Variants in DLG5 observed in about 807,000 individuals in gnomAD.
DLG5 encodes the protein discs large MAGUK scaffold protein 5.
Under a neutral mutation model 189.8 loss-of-function variants are expected in DLG5, and 48 were observed. The ratio of observed to expected loss-of-function variants is 0.25; its 90% CI spans 0.20 to 0.32. DLG5 has a LOEUF of 0.32. Among genes scored for constraint, DLG5 ranks in the 10% least tolerant of loss-of-function variants. DLG5 has a pLI of 1.00. For synonymous variants in DLG5, 1,016 were observed against 1,054.1 expected (o/e 0.96, Z 0.70); for missense variants, 2,160 against 2,544.7 (o/e 0.85, Z 3.25).
intron 20 of DLG5, among the ~76,000 whole-genome samples, chr10:77,814,292 C>T (rs1300419480): frequency 6.6e-6 from 1 of 151,740 alleles, no homozygotes. Context: ...ATAATCTTTA[C>T]TTTATAGTCT....
chr10:77,862,477 C>T (rs1261939548), intron 2 of DLG5, among the ~76,000 whole-genome samples: 1 of 151,360 alleles, frequency 6.6e-6, no homozygotes, highest in Non-Finnish European at 1.5e-5. Context: ...GCTGGATTCT[C>T]AAAACTGGAA....
rs1287826381 is a variant in DLG5, at chr10:77,811,102, G to C, written c.4455C>G (p.Ser1485Arg). ...EGPSTPPAKQ[S>R]SSRIAGDANK... ...CAGCAACGTCTGCTGACCTGGAGCT[G>C]CTCTGCTTGGCTGGGGGGGTGCTAG... The change falls in exon 23 of 32, where the codon AGC (serine) becomes AGG (arginine). Residue 1485 changes from serine (S) to arginine (R), a missense_variant. By Grantham distance (110) the Ser-to-Arg change is moderately radical. Around this residue, in one of 5 missense-constraint regions of DLG5, gnomAD observed 574 missense variants for 644.2 expected, o/e 0.89. Coordinates refer to ENST00000372391, the MANE Select transcript of DLG5 (RefSeq NM_004747.4). 6.2e-6 allele frequency: 10 copies of C among 1,611,440 alleles called. No homozygotes were observed. Among genetic ancestry groups the C allele is most frequent in the Non-Finnish European group, 8.5e-6 (10 of 1,179,934 alleles).
At chr10:77,858,459 AC>A (rs1234550417) in intron 2 of DLG5, among the ~76,000 whole-genome samples, 2 of 152,008 alleles carry the variant, frequency 1.3e-5, no homozygotes, top group Non-Finnish European at 2.9e-5. Flanking sequence ...ACATGGCGAA[AC>A]CCCGTCTCTA....
chr10:77,926,600 G>C lies in DLG5; in HGVS notation c.-80C>G, dbSNP rs1232063047. 12 of 1,113,946 alleles carry C rather than the reference G, an allele frequency of 1.1e-5. No homozygotes were observed. Among genetic ancestry groups the C allele is most frequent in the Non-Finnish European group, 1.3e-5 (12 of 902,578 alleles). 69.0% of individuals were successfully genotyped at this position (1,113,946 alleles called of 1,614,324 possible). On this transcript the variant is annotated 5_prime_UTR_variant, in exon 1 of 32. Coordinates refer to ENST00000372391, the MANE Select transcript of DLG5 (RefSeq NM_004747.4). This position sits in a 1 kb window ranked among gnomAD's most constrained non-coding sequence, Gnocchi z 5.2. The stretch of plus-strand genomic sequence containing the variant: ...CGGCGGGCGGGCAGGCGAGCACCTC[G>C]GCAGCAGCCCTAGGGCGCCGGGAGC...
chr10:77,839,102 G>A (rs879479674), intron 7 of DLG5, among the ~76,000 whole-genome samples: 7 of 152,364 alleles, frequency 4.6e-5, no homozygotes, highest in Non-Finnish European at 8.8e-5. Context: ...GTCAGGCCTG[G>A]AGGTCTCATT....
At chr10:77,896,343 A>C (rs78834931) in intron 1 of DLG5, among the ~76,000 whole-genome samples, 1,761 of 152,292 alleles carry the variant, frequency 0.012, 29 homozygotes, top group African/African-American at 0.041. Flanking sequence ...GAGAGATTTA[A>C]GAAGAACTAT....
chr10:77,831,055 G>C (rs989618373), intron 9 of DLG5, among the ~76,000 whole-genome samples, 182 bp from the exon 10 acceptor site: 7 of 152,134 alleles, frequency 4.6e-5, no homozygotes, highest in Admixed American at 1.3e-4. Flanking sequence ...TTTCACAGTG[G>C]TTTTTTAAAA....
intron 2 of DLG5, among the ~76,000 whole-genome samples, chr10:77,863,895 G>A (rs1290458573): frequency 6.6e-6 from 1 of 152,194 alleles, no homozygotes; most frequent in East Asian, 1.9e-4. Context: ...GGAGGCAACA[G>A]GAAGACACAG....
intron 6 of DLG5, among the ~76,000 whole-genome samples, chr10:77,842,660 G>A (rs192521701): frequency 6.6e-6 from 1 of 152,308 alleles, no homozygotes; most frequent in Admixed American, 6.5e-5. Context: ...CTTCCACACA[G>A]GCAGCCTGCA....
At chr10:77,875,199 A>C (rs1330165797) in intron 1 of DLG5, among the ~76,000 whole-genome samples, 1 of 152,214 alleles carries the variant, frequency 6.6e-6, no homozygotes, top group Non-Finnish European at 1.5e-5. Flanking sequence ...CCTACACACA[A>C]TACTGCTGCC....
intron 1 of DLG5, among the ~76,000 whole-genome samples, chr10:77,887,249 C>T (rs915387932): frequency 6.6e-6 from 1 of 152,160 alleles, no homozygotes; most frequent in Non-Finnish European, 1.5e-5. Flanking sequence ...AGTCAATGAC[C>T]AGATGCACCC....
intron 2 of DLG5, among the ~76,000 whole-genome samples, chr10:77,861,230 C>T (rs1251874424): frequency 6.6e-6 from 1 of 152,226 alleles, no homozygotes; most frequent in Non-Finnish European, 1.5e-5. Context: ...ACCTCACGAG[C>T]CCTCTGAAAG....
At chr10:77,868,572 C>T in intron 2 of DLG5, 1 of 246,306 alleles carries the variant, frequency 4.1e-6, no homozygotes, top group South Asian at 5.2e-5. Context: ...GTGTCTGCAT[C>T]CATCATGGTC....
intron 2 of DLG5, among the ~76,000 whole-genome samples, chr10:77,865,253 C>A (rs1285172094): frequency 1.3e-5 from 2 of 152,118 alleles, no homozygotes; most frequent in Admixed American, 6.5e-5. Flanking sequence ...AGGAGGCATT[C>A]CCATCTCTGA....
chr10:77,929,366 A>C (rs1846766207), upstream of DLG5: 1 of 152,160 alleles, frequency 6.6e-6, no homozygotes, highest in Non-Finnish European at 1.5e-5. Context: ...TTAGCCAGTG[A>C]CCTTGGTGTG....
Position 77,838,034 on chromosome 10 carries a change from C to T in DLG5, c.1438-2112G>A, listed in dbSNP as rs569330505. Among the ~76,000 whole-genome samples the T allele has an allele frequency of 2.6e-5, 4 of 152,284 alleles. No homozygotes were observed. In the South Asian group the frequency reaches 8.3e-4, roughly 32 times the overall value. ...TCTCGGGTGAGGGCACCTCCCTCTG[C>T]TTCCTGGGAAGCTTCTCTTGCTACA... On this transcript the variant is annotated intron_variant, in intron 7 of 31. Transcript: ENST00000372391.
In DLG5 at chr10:77,834,051, A is replaced by G. The variant is rs748725376; in HGVS notation, c.1623-12T>C. The G allele has an allele frequency of 1.2e-5, 20 of 1,607,260 alleles. No homozygotes were observed. Among genetic ancestry groups the G allele is most frequent in the African/African-American group, 2.7e-5 (2 of 74,872 alleles). ...TGTCACACAGTGTCCTGGTGGAAGGAGCAGAGGACAAGGTCATCTCAAGAG... is the reference window on the plus strand; with the variant it reads ...TGTCACACAGTGTCCTGGTGGAAGGGGCAGAGGACAAGGTCATCTCAAGAG... On this transcript the variant is annotated splice_polypyrimidine_tract_variant and intron_variant, in intron 8 of 31. Transcript: ENST00000372391.
intron 7 of DLG5, among the ~76,000 whole-genome samples, chr10:77,838,371 C>T (rs530635720): frequency 6.6e-6 from 1 of 152,158 alleles, no homozygotes; most frequent in African/African-American, 2.4e-5. Flanking sequence ...CTCCTGGGAG[C>T]AATGAGACTT....
intron 20 of DLG5, among the ~76,000 whole-genome samples, chr10:77,814,908 A>G (rs939480096): frequency 1.7e-4 from 26 of 152,128 alleles, no homozygotes; most frequent in African/African-American, 5.8e-4. Context: ...CAAGTATAAA[A>G]TACTGTACTT....
Sources: gnomAD v4.1 joint callset for allele counts (sites outside exome capture counted in the v4.1 genomes callset) on GRCh38, gnomAD v4.1.1 for gene constraint, gnomAD v4.1.1 regional missense constraint, Gnocchi (gnomAD v3.1) non-coding constraint, MANE v1.5 for transcripts, NCBI Gene and HGNC (gene_info 2026-07-23, HGNC 2026-07-21) for gene names.